FHOD3: variants seen among roughly 807,000 people sequenced by gnomAD.
FHOD3 encodes formin homology 2 domain containing 3, also known as FH1/FH2 domain-containing protein 3.
FHOD3 carries 90 observed loss-of-function variants against 173.0 expected under a neutral mutation model. The ratio of observed to expected loss-of-function variants is 0.52; its 90% confidence interval spans 0.44 to 0.62. The LOEUF is 0.62. FHOD3 is among the 20% of genes least tolerant of loss of function. The pLI, the probability that FHOD3 is intolerant of heterozygous loss-of-function variation, is 0.00. For synonymous variants in FHOD3, 828 were observed against 823.0 expected (o/e 1.01, Z -0.10); for missense variants, 1,945 against 2,034.7 (o/e 0.96, Z 0.85).
chr18:36,517,466 G>C lies in FHOD3; in HGVS notation c.511+4923G>C, dbSNP rs534634038. Among the ~76,000 whole-genome samples the C allele has an allele frequency of 3.9e-5, 6 of 152,252 alleles. No homozygotes were observed. In the South Asian group the frequency reaches 1.2e-3, roughly 32 times the overall value. On this transcript the variant is annotated intron_variant, in intron 5 of 28. Transcript: ENST00000590592. ...GAATTGCATGTGTCTTGTATGTTTG[G>C]AAATTGCACATATGTACTGTGCTTT...
intron 21 of FHOD3, among the ~76,000 whole-genome samples, chr18:36,742,191 C>T (rs547964411): frequency 1.3e-5 from 2 of 152,144 alleles, no homozygotes; most frequent in South Asian, 4.1e-4. Context: ...GGCCATGAGG[C>T]TACAGAGCAG....
chr18:36,418,624 A>G (rs542850100), intron 3 of FHOD3, among the ~76,000 whole-genome samples: 84 of 152,226 alleles, frequency 5.5e-4, no homozygotes, highest in African/African-American at 1.9e-3. Flanking sequence ...CAAAATCTGC[A>G]TGTTCTTGCC....
chr18:36,360,990 A>C (rs1426712746), intron 2 of FHOD3, among the ~76,000 whole-genome samples: 1 of 152,194 alleles, frequency 6.6e-6, no homozygotes, highest in Non-Finnish European at 1.5e-5. Context: ...CGAAACAAGA[A>C]ACCAACGAAA....
In FHOD3 at chr18:36,319,117, C is replaced by T. The variant is rs151254561; in HGVS notation, c.165+21117C>T. 8.8e-3 allele frequency among the ~76,000 whole-genome samples: 1,344 copies of T among 152,154 alleles called. 14 individuals are homozygous for T. The highest frequency in any genetic ancestry group is 0.014 in the Non-Finnish European group (959 of 68,002). ...AAGCTTTTTGATTTGCTGCTGGATT[C>T]GGTTTGCCAGTATTTTATTGAGGAT... On this transcript the variant is annotated intron_variant, in intron 1 of 28. Transcript: ENST00000590592.
intron 1 of FHOD3, among the ~76,000 whole-genome samples, chr18:36,300,510 G>C (rs1472039961): frequency 6.6e-6 from 1 of 152,202 alleles, no homozygotes; most frequent in Non-Finnish European, 1.5e-5. Context: ...CTGTTGACCT[G>C]GGTGAGCTAT....
rs753218879 is a variant in FHOD3 at position 36,693,428 on chromosome 18, G to A, written c.2236+5G>A. ...GAACCCCTCACCATCCCCAAGGTGAGTACAGGGAGAGTAGAGGGAAAATGA... is the reference window on the plus strand; with the variant it reads ...GAACCCCTCACCATCCCCAAGGTGAATACAGGGAGAGTAGAGGGAAAATGA... On this transcript the variant is annotated splice_donor_5th_base_variant and intron_variant, in intron 17 of 28. Coordinates refer to ENST00000590592, the MANE Select transcript of FHOD3 (RefSeq NM_001281740.3). The A allele has an allele frequency of 3.1e-6, 5 of 1,612,236 alleles. No individual in the cohort carries two copies. Among genetic ancestry groups the A allele is most frequent in the Non-Finnish European group, 4.2e-6 (5 of 1,178,938 alleles).
At chr18:36,374,585 A>G (rs1222149873) in intron 3 of FHOD3, among the ~76,000 whole-genome samples, 2 of 152,262 alleles carry the variant, frequency 1.3e-5, no homozygotes, top group Non-Finnish European at 2.9e-5. Flanking sequence ...TATGATAACT[A>G]TAAAAGGCGA....
chr18:36,774,761 T>TGTAG (rs1407189095), intron 28 of FHOD3, among the ~76,000 whole-genome samples: 3 of 152,222 alleles, frequency 2.0e-5, no homozygotes, highest in African/African-American at 4.8e-5. Flanking sequence ...TTAACCGAAC[T>TGTAG]GTAGGCTTTA....
intron 3 of FHOD3, among the ~76,000 whole-genome samples, chr18:36,467,757 C>T (rs1387804828): frequency 3.3e-5 from 5 of 152,344 alleles, no homozygotes; most frequent in Admixed American, 2.0e-4. Flanking sequence ...TAGGGCTGGC[C>T]TTTGCACTGT....
At chr18:36,712,761 G>A (rs2040237888) in intron 18 of FHOD3, among the ~76,000 whole-genome samples, 1 of 151,532 alleles carries the variant, frequency 6.6e-6, no homozygotes, top group South Asian at 2.1e-4. Flanking sequence ...ATAAATTTAG[G>A]AAGCTGAGCA....
intron 2 of FHOD3, among the ~76,000 whole-genome samples, chr18:36,357,440 C>A (rs554611788): frequency 6.6e-6 from 1 of 152,152 alleles, no homozygotes; most frequent in African/African-American, 2.4e-5. Flanking sequence ...CATGGCCATG[C>A]GCACCAAGAA....
intron 18 of FHOD3, chr18:36,710,680 C>T (rs1019906738): frequency 6.6e-6 from 1 of 152,162 alleles, no homozygotes; most frequent in Admixed American, 6.5e-5. Flanking sequence ...CATTGAAAAT[C>T]CAGTGTCTTC....
At chr18:36,410,014 G>C (rs1443536867) in intron 3 of FHOD3, among the ~76,000 whole-genome samples, 1 of 152,220 alleles carries the variant, frequency 6.6e-6, no homozygotes, top group Non-Finnish European at 1.5e-5. Context: ...TTTACAAGCT[G>C]TAATTCACAT....
At chr18:36,663,386 C>T (rs991933286) in intron 14 of FHOD3, among the ~76,000 whole-genome samples, 2 of 152,178 alleles carry the variant, frequency 1.3e-5, no homozygotes, top group Non-Finnish European at 2.9e-5. Flanking sequence ...GTCAGCCTTC[C>T]CTGATCAGCC....
chr18:36,576,193 C>A (rs1285476009), intron 5 of FHOD3, among the ~76,000 whole-genome samples: 1 of 152,184 alleles, frequency 6.6e-6, no homozygotes, highest in African/African-American at 2.4e-5. Context: ...CATCAAGGCA[C>A]ACAGAAACAA....
At chr18:36,610,063 A>G (rs1329377916) in intron 8 of FHOD3, among the ~76,000 whole-genome samples, 1 of 152,212 alleles carries the variant, frequency 6.6e-6, no homozygotes, top group Non-Finnish European at 1.5e-5. Context: ...ACTCCCAGAA[A>G]GGTGAAAGGG....
rs1198540781 is a variant in FHOD3, at chr18:36,704,275, G to A, written c.2237-4820G>A. On this transcript the variant is annotated intron_variant, in intron 17 of 28. Coordinates refer to ENST00000590592, the MANE Select transcript of FHOD3 (RefSeq NM_001281740.3). Reference sequence around the variant, plus strand: ...TGGTCTTTGCTAAGTGCATCCTAGCGATGCTGAGACCCCATCGATCTGCGC... The same window carrying A: ...TGGTCTTTGCTAAGTGCATCCTAGCAATGCTGAGACCCCATCGATCTGCGC... Among the ~76,000 whole-genome samples the A allele has an allele frequency of 2.6e-5, 4 of 152,314 alleles. No homozygotes were observed. In the East Asian group the frequency reaches 5.8e-4, roughly 22 times the overall value.
At chr18:36,500,143 C>T (rs928615221) in intron 3 of FHOD3, among the ~76,000 whole-genome samples, 2 of 152,222 alleles carry the variant, frequency 1.3e-5, no homozygotes, top group African/African-American at 4.8e-5. Flanking sequence ...TTTTGGATTT[C>T]ATTCTGGCTG....
chr18:36,424,184 C>T (rs1340491524), intron 3 of FHOD3, among the ~76,000 whole-genome samples: 1 of 152,194 alleles, frequency 6.6e-6, no homozygotes, highest in East Asian at 1.9e-4. Context: ...TCTATCCATC[C>T]CACAATTACA....
Sources: allele counts gnomAD v4.1 joint callset (sites outside exome capture counted in the v4.1 genomes callset), GRCh38; gene constraint gnomAD v4.1.1; transcripts MANE v1.5; gene names NCBI Gene and HGNC (gene_info 2026-07-23, HGNC 2026-07-21).